Variants in ZNF362 observed in about 807,000 individuals in gnomAD.
ZNF362 encodes the protein zinc finger protein 362.
In ZNF362, 11 loss-of-function variants were observed where a neutral mutation model predicts 42.9. That is an observed-to-expected ratio of 0.26 (90% CI 0.16 to 0.42). ZNF362 has a LOEUF of 0.42. Ranked by LOEUF, ZNF362 falls within the 20% of genes least tolerant of loss-of-function variation. ZNF362 has a pLI of 1.00. For missense variants in ZNF362, 362 were observed against 576.2 expected (o/e 0.63, Z 3.81); for synonymous variants, 255 against 257.3 (o/e 0.99, Z 0.09).
At chr1:33,277,656 T>G (rs761541051) in intron 4 of ZNF362, among the ~76,000 whole-genome samples, 3 of 151,806 alleles carry the variant, frequency 2.0e-5, no homozygotes, top group African/African-American at 4.8e-5. Context: ...TGGACAGATA[T>G]GAGATACATT....
At chr1:33,260,755 C>G (rs1368750641) in intron 1 of ZNF362, among the ~76,000 whole-genome samples, 1 of 152,140 alleles carries the variant, frequency 6.6e-6, no homozygotes, top group African/African-American at 2.4e-5. Flanking sequence ...GATAAAGTTA[C>G]ACTGAGGGCT....
intron 1 of ZNF362, among the ~76,000 whole-genome samples, chr1:33,267,409 T>C (rs548581206): frequency 6.1e-4 from 93 of 152,338 alleles, no homozygotes; most frequent in Non-Finnish European, 1.1e-3. Flanking sequence ...ACCCAGTTTT[T>C]ATATAGATGT....
the ZNF362 span, among the ~76,000 whole-genome samples, chr1:33,186,283 G>A: frequency 6.6e-6 from 1 of 151,886 alleles, no homozygotes; most frequent in Non-Finnish European, 1.5e-5. Flanking sequence ...CTCATTTTTT[G>A]TGCCTTTTTG....
chr1:33,262,214 T>C (rs917799070), intron 1 of ZNF362, among the ~76,000 whole-genome samples: 1 of 151,154 alleles, frequency 6.6e-6, no homozygotes, highest in African/African-American at 2.4e-5. Flanking sequence ...CCCTGCCTCA[T>C]GCATGTGGCC....
the ZNF362 span, among the ~76,000 whole-genome samples, chr1:33,169,496 A>G: frequency 3.3e-5 from 5 of 152,088 alleles, no homozygotes; most frequent in African/African-American, 9.7e-5. Context: ...AGCTGCAGTG[A>G]TTGTTCTAAA....
rs1645894453 is a variant in ZNF362 at position 33,270,467 on chromosome 1, T to C, written c.-88-20T>C. On this transcript the variant is annotated intron_variant, in intron 1 of 8. Transcript: ENST00000539719. ...ATTATTATTATTGTTATTATTGTTA[T>C]TGTTATTCCCATATACAAGGTGCTG... The C allele has an allele frequency of 3.0e-6, 2 of 666,928 alleles. No homozygotes were observed. The highest frequency in any genetic ancestry group is 3.7e-5 in the South Asian group (2 of 54,728). 41.3% of individuals were successfully genotyped at this position (666,928 alleles called of 1,614,324 possible). A position where few individuals can be genotyped will look rare whatever the true frequency, so the allele number is the denominator to read the frequency against.
chr1:33,174,404 G>A, the ZNF362 span, among the ~76,000 whole-genome samples: 10 of 152,118 alleles, frequency 6.6e-5, no homozygotes, highest in East Asian at 1.9e-3. Flanking sequence ...CACTGGTCTC[G>A]AACTTCTGGG....
the ZNF362 span, among the ~76,000 whole-genome samples, chr1:33,136,232 TCTTTCTTTTC>T: frequency 6.6e-6 from 1 of 150,920 alleles, no homozygotes; most frequent in Admixed American, 6.6e-5. Context: ...CCTTTCTTTC[TCTTTCTTTTC>T]CTTTCTCTCT....
intron 1 of ZNF362, among the ~76,000 whole-genome samples, chr1:33,269,529 G>A (rs969215883): frequency 7.2e-5 from 11 of 152,084 alleles, no homozygotes; most frequent in Admixed American, 2.0e-4. Context: ...TGTGACCATG[G>A]GGTCTGGGCA....
chr1:33,271,156 C>G (rs1645900615), intron 2 of ZNF362, among the ~76,000 whole-genome samples: 2 of 152,232 alleles, frequency 1.3e-5, no homozygotes, highest in Non-Finnish European at 1.5e-5. Context: ...CCCACTGCTT[C>G]AAGTCTAGCC....
chr1:33,299,042 T>C lies in ZNF362; in HGVS notation c.1259T>C (p.Ile420Thr). The C allele has an allele frequency of 6.2e-7, 1 of 1,608,074 alleles. No homozygotes were observed. Among genetic ancestry groups the C allele is most frequent in the Non-Finnish European group, 8.5e-7 (1 of 1,179,726 alleles). ...SPGIPVRISLI is the reference protein window; with the variant it reads ...SPGIPVRISLT ...GGCATCCCGGTGCGAATCTCTCTCA[T>C]CTGAGCCCACTGGAGGCGCCGCCCC... Residue 420 changes from isoleucine (I) to threonine (T), a missense_variant, in exon 9 of 9, where the codon ATC becomes ACC. By Grantham distance (89) the Ile-to-Thr change is moderately conservative. Transcript: ENST00000539719.
chr1:33,196,571 G>A, the ZNF362 span, among the ~76,000 whole-genome samples: 1 of 152,092 alleles, frequency 6.6e-6, no homozygotes, highest in African/African-American at 2.4e-5. Flanking sequence ...GTCTTCTTCT[G>A]GAATACCTCC....
chr1:33,152,194 G>A, the ZNF362 span, among the ~76,000 whole-genome samples: 3 of 152,240 alleles, frequency 2.0e-5, no homozygotes, highest in Non-Finnish European at 4.4e-5. Context: ...ACTTGGAGAG[G>A]AAGCAGAGTT....
the ZNF362 span, among the ~76,000 whole-genome samples, chr1:33,233,409 T>TA: frequency 6.6e-6 from 1 of 151,354 alleles, no homozygotes; most frequent in Admixed American, 6.6e-5. Flanking sequence ...TCTCACACTT[T>TA]TTTTTTTTTT....
the ZNF362 span, among the ~76,000 whole-genome samples, chr1:33,231,484 G>A: frequency 6.6e-6 from 1 of 152,154 alleles, no homozygotes; most frequent in Non-Finnish European, 1.5e-5. Context: ...GTAAGTGACT[G>A]ACCCTGGGCT....
At chr1:33,233,045 G>A in the ZNF362 span, among the ~76,000 whole-genome samples, 2 of 152,166 alleles carry the variant, frequency 1.3e-5, no homozygotes, top group African/African-American at 4.8e-5. Context: ...GCTTGTCCAG[G>A]GTCACGCACT....
chr1:33,175,025 ATATGTT>A, the ZNF362 span, among the ~76,000 whole-genome samples: 189 of 150,094 alleles, frequency 1.3e-3, 1 homozygote, highest in African/African-American at 3.2e-3. Context: ...ATGTATATGT[ATATGTT>A]TATGTATATG....
chr1:33,138,887 G>A, the ZNF362 span, among the ~76,000 whole-genome samples: 3 of 152,172 alleles, frequency 2.0e-5, no homozygotes, highest in African/African-American at 7.2e-5. Context: ...GAGGTGGCAG[G>A]GGAAAGGGTT....
Position 33,281,933 on chromosome 1 carries a change from A to T in ZNF362, c.908+122A>T, listed in dbSNP as rs1645997556. ...CCAGGTGCCCATTGCCCTCGGGGTC[A>T]CGGCCCTTGTGGACCTCACTGGCCT... On this transcript the variant is annotated intron_variant, in intron 6 of 8. Coordinates refer to ENST00000539719, the MANE Select transcript of ZNF362 (RefSeq NM_152493.3). This position sits in a 1 kb window ranked among gnomAD's most constrained non-coding sequence, Gnocchi z 4.8. The T allele has an allele frequency of 1.0e-6, 1 of 1,003,312 alleles. No individual in the cohort carries two copies. The highest frequency in any genetic ancestry group is 1.6e-5 in the African/African-American group (1 of 62,714). 62.2% of individuals were successfully genotyped at this position (1,003,312 alleles called of 1,614,324 possible).
Sources: allele counts gnomAD v4.1 joint callset (sites outside exome capture counted in the v4.1 genomes callset), GRCh38; gene constraint gnomAD v4.1.1; non-coding constraint Gnocchi (gnomAD v3.1); transcripts MANE v1.5; gene names NCBI Gene and HGNC (gene_info 2026-07-23, HGNC 2026-07-21).